ACSL3: variants seen among roughly 807,000 people sequenced by gnomAD.
The protein encoded by ACSL3 is fatty acid CoA ligase Acsl3.
In ACSL3, 34 loss-of-function variants were observed where a neutral mutation model predicts 84.7. The ratio of observed to expected loss-of-function variants is 0.40; its 90% CI spans 0.31 to 0.53. The LOEUF (loss-of-function observed/expected upper bound fraction) is 0.53. Among genes scored for constraint, ACSL3 ranks in the 20% least tolerant of loss-of-function variants. ACSL3 has a pLI of 0.48. For synonymous variants in ACSL3, 315 were observed against 299.4 expected (o/e 1.05, Z -0.54); for missense variants, 680 against 873.1 (o/e 0.78, Z 2.79).
intron 5 of ACSL3, chr2:222,917,541 T>TG (rs1337187533): frequency 6.6e-6 from 1 of 152,294 alleles, no homozygotes; most frequent in African/African-American, 2.4e-5. Context: ...AAATCTACAC[T>TG]ATTCATGTTA....
At chr2:222,864,075 A>T (rs754380367) in intron 1 of ACSL3, among the ~76,000 whole-genome samples, 1 of 152,196 alleles carries the variant, frequency 6.6e-6, no homozygotes, top group Non-Finnish European at 1.5e-5. Context: ...AATTGTCAGG[A>T]TATGGTGATA....
rs1697396914 is a variant in ACSL3, at chr2:222,944,100, C to G, written c.*2446C>G. 1.3e-5 allele frequency: 2 copies of G among 152,112 alleles called. No homozygotes were observed. 9.4% of individuals were successfully genotyped at this position (152,112 alleles called of 1,614,324 possible). A position where few individuals can be genotyped will look rare whatever the true frequency, so the allele number is the denominator to read the frequency against. On this transcript the variant is annotated 3_prime_UTR_variant, in exon 17 of 17. Coordinates refer to ENST00000357430, the MANE Select transcript of ACSL3 (RefSeq NM_004457.5). The stretch of plus-strand genomic sequence containing the variant: ...CTGACATCCTTCTTAGCAGAAACTT[C>G]ATGAAAAAGTTTTTGCTGACACAGA...
At chr2:222,881,127 T>C (rs1397441321) in intron 1 of ACSL3, among the ~76,000 whole-genome samples, 1 of 152,258 alleles carries the variant, frequency 6.6e-6, no homozygotes, top group Admixed American at 6.5e-5. Flanking sequence ...ATTGATTTCA[T>C]TACATTGTTT....
chr2:222,906,240 A>T (rs987375349), intron 3 of ACSL3, among the ~76,000 whole-genome samples: 14 of 152,156 alleles, frequency 9.2e-5, no homozygotes, highest in African/African-American at 2.9e-4. Context: ...AAGAGGGTAC[A>T]CTTGGGCACG....
chr2:222,870,827 C>T (rs190863089), intron 1 of ACSL3, among the ~76,000 whole-genome samples: 18 of 152,198 alleles, frequency 1.2e-4, no homozygotes, highest in East Asian at 3.9e-4. Context: ...ACTTGGCAGA[C>T]GAGTTTGGAA....
chr2:222,882,761 GTTTTT>G lies in ACSL3; in HGVS notation c.-206-5054_-206-5050del, dbSNP rs71408540. On this transcript the variant is annotated intron_variant, in intron 1 of 16. Coordinates refer to ENST00000357430, the MANE Select transcript of ACSL3 (RefSeq NM_004457.5). ...TTGTCTGGAATACCTCCAGATCACT[GTTTTT>G]TTTTTTTTTTTTTTGAAGACAGATT... Among the ~76,000 whole-genome samples, 864 of 119,980 alleles carry G rather than the reference GTTTTT, an allele frequency of 7.2e-3. 10 individuals are homozygous for G. Among genetic ancestry groups the G allele is most frequent in the African/African-American group, 0.026 (823 of 31,922 alleles). 78.7% of individuals were successfully genotyped at this position (119,980 alleles called of 152,430 possible). A position where few individuals can be genotyped will look rare whatever the true frequency, so the allele number is the denominator to read the frequency against.
chr2:222,870,942 A>T (rs73991921), intron 1 of ACSL3, among the ~76,000 whole-genome samples: 2 of 152,136 alleles, frequency 1.3e-5, no homozygotes, highest in Non-Finnish European at 2.9e-5. Flanking sequence ...GGGAGTGGCA[A>T]CGTCACACTG....
intron 2 of ACSL3, among the ~76,000 whole-genome samples, chr2:222,899,104 T>G (rs1696069955): frequency 1.3e-5 from 2 of 151,118 alleles, no homozygotes; most frequent in South Asian, 4.1e-4. Flanking sequence ...AAATAAACAC[T>G]GTTGAATTAA....
chr2:222,922,869 C>G (rs751579992), intron 9 of ACSL3, 38 bp downstream of exon 9: 3 of 1,611,414 alleles, frequency 1.9e-6, no homozygotes, highest in East Asian at 4.5e-5. Context: ...ACTAAAAAAT[C>G]ATAGTGAATT....
intron 11 of ACSL3, among the ~76,000 whole-genome samples, chr2:222,925,076 C>T (rs1472786265): frequency 6.6e-6 from 1 of 151,858 alleles, no homozygotes; most frequent in Non-Finnish European, 1.5e-5. Flanking sequence ...GTGGCTCACT[C>T]CTGTAATCCC....
chr2:222,929,359 A>G lies in ACSL3; in HGVS notation c.1540+423A>G, dbSNP rs1305119226. ...TTATTAGAAGGAAATTTTCACTGCAATTCCATAGAAGTCTGTTTATTCTCA... is the reference window on the plus strand; with the variant it reads ...TTATTAGAAGGAAATTTTCACTGCAGTTCCATAGAAGTCTGTTTATTCTCA... On this transcript the variant is annotated intron_variant, in intron 13 of 16. Coordinates refer to ENST00000357430, the MANE Select transcript of ACSL3 (RefSeq NM_004457.5). 3.3e-5 allele frequency among the ~76,000 whole-genome samples: 5 copies of G among 152,076 alleles called. No individual in the cohort carries two copies. In the South Asian group the frequency reaches 8.3e-4, roughly 25 times the overall value.
At chr2:222,932,239 T>C (rs1697051589) in intron 14 of ACSL3, among the ~76,000 whole-genome samples, 1 of 152,268 alleles carries the variant, frequency 6.6e-6, no homozygotes, top group Admixed American at 6.5e-5. Context: ...TTCACCTGCC[T>C]GGTACTAATG....
chr2:222,863,927 G>C (rs1054206662), intron 1 of ACSL3, among the ~76,000 whole-genome samples: 1 of 151,886 alleles, frequency 6.6e-6, no homozygotes, highest in Non-Finnish European at 1.5e-5. Context: ...CAAAGTTACT[G>C]CTTTCAAAGA....
intron 13 of ACSL3, among the ~76,000 whole-genome samples, chr2:222,930,077 C>T (rs952674851): frequency 2.0e-5 from 3 of 151,546 alleles, no homozygotes; most frequent in Admixed American, 6.6e-5. Context: ...TTCAGGTGTG[C>T]GCCACCATGC....
At position 222,884,515 on chromosome 2, in the gene ACSL3, G is replaced by T. The variant is rs1399251601; in HGVS notation, c.-206-3315G>T. ...AAGAACCTGTTCCTTGCCTCTTTCA[G>T]TTCTAGTGGCTGCTGGCATTCCCTA... On this transcript the variant is annotated intron_variant, in intron 1 of 16. Transcript: ENST00000357430. 2.0e-5 allele frequency among the ~76,000 whole-genome samples: 3 copies of T among 152,314 alleles called. No individual in the cohort carries two copies. In the South Asian group the frequency reaches 6.2e-4, roughly 32 times the overall value.
Position 222,865,454 on chromosome 2 carries a change from C to T in ACSL3, c.-207+4196C>T, listed in dbSNP as rs560547440. On this transcript the variant is annotated intron_variant, in intron 1 of 16. Transcript: ENST00000357430. Reference sequence around the variant, plus strand: ...ATTCATTCATGTATTTACTTAGTGTCTGTTTTGCAAGGTACTCGGAATTTG... The same window carrying T: ...ATTCATTCATGTATTTACTTAGTGTTTGTTTTGCAAGGTACTCGGAATTTG... Among the ~76,000 whole-genome samples the T allele has an allele frequency of 5.9e-5, 9 of 152,262 alleles. No individual in the cohort carries two copies. In the East Asian group the frequency reaches 1.7e-3, roughly 29 times the overall value.
intron 1 of ACSL3, among the ~76,000 whole-genome samples, chr2:222,875,426 G>A (rs1695421739): frequency 6.6e-6 from 1 of 152,122 alleles, no homozygotes; most frequent in Non-Finnish European, 1.5e-5. Flanking sequence ...TCTGTGTAGT[G>A]CCAGTTGAAA....
chr2:222,878,841 A>G lies in ACSL3; in HGVS notation c.-206-8989A>G, dbSNP rs374560211. ...TCAGAGCCCTTACTCTATACATCCTACCTGACAGGTCCTACTAATTTTACC... is the reference window on the plus strand; with the variant it reads ...TCAGAGCCCTTACTCTATACATCCTGCCTGACAGGTCCTACTAATTTTACC... On this transcript the variant is annotated intron_variant, in intron 1 of 16. Coordinates refer to ENST00000357430, the MANE Select transcript of ACSL3 (RefSeq NM_004457.5). 3.3e-5 allele frequency among the ~76,000 whole-genome samples: 5 copies of G among 152,070 alleles called. No homozygotes were observed. The East Asian group carries it at 7.7e-4, about 23-fold the overall frequency.
At chr2:222,899,948 T>C (rs895592494) in intron 2 of ACSL3, among the ~76,000 whole-genome samples, 5 of 152,156 alleles carry the variant, frequency 3.3e-5, no homozygotes, top group Admixed American at 1.3e-4. Context: ...TCGGAATGCC[T>C]AATTTTCTGG....
Sources: gnomAD v4.1 joint callset for allele counts (sites outside exome capture counted in the v4.1 genomes callset) on GRCh38, gnomAD v4.1.1 for gene constraint, MANE v1.5 for transcripts, NCBI Gene and HGNC (gene_info 2026-07-23, HGNC 2026-07-21) for gene names.